PPP6R2: variants seen among roughly 807,000 people sequenced by gnomAD.
PPP6R2 encodes the protein protein phosphatase 6 regulatory subunit 2.
PPP6R2 carries 62 observed loss-of-function variants against 100.2 expected under a neutral mutation model. The observed-to-expected ratio is 0.62, with a 90% confidence interval of 0.50 to 0.76. The LOEUF is 0.76. Ranked by LOEUF, PPP6R2 falls within the 30% of genes least tolerant of loss-of-function variation. The probability of loss-of-function intolerance (pLI) is 0.00; values close to 1 mark genes in which losing one functional copy is unlikely to be tolerated. For missense variants in PPP6R2, 1,142 were observed against 1,276.3 expected, an observed-to-expected ratio of 0.89 and a Z score of 1.60; for synonymous variants, 525 against 514.7, an observed-to-expected ratio of 1.02 and a Z score of -0.27.
the PPP6R2 span, among the ~76,000 whole-genome samples, chr22:50,337,256 G>A: frequency 2.6e-4 from 39 of 147,300 alleles, no homozygotes; most frequent in Non-Finnish European, 3.7e-4. Flanking sequence ...TGTGTGGTGT[G>A]TGTGCAGTGT....
intron 1 of PPP6R2, among the ~76,000 whole-genome samples, chr22:50,353,915 A>G (rs1406417712): frequency 6.6e-6 from 1 of 152,108 alleles, no homozygotes; most frequent in Non-Finnish European, 1.5e-5. Flanking sequence ...AACAAAGAAA[A>G]TTAAAAGAAT....
chr22:50,339,611 G>A (rs2042346427), upstream of PPP6R2, among the ~76,000 whole-genome samples: 3 of 136,224 alleles, frequency 2.2e-5, no homozygotes, highest in Middle Eastern at 4.7e-3. Flanking sequence ...TGTGCGGTGT[G>A]TGTGGTATGT....
At chr22:50,374,540 G>C (rs916216121) in intron 2 of PPP6R2, among the ~76,000 whole-genome samples, 5 of 152,140 alleles carry the variant, frequency 3.3e-5, no homozygotes, top group Admixed American at 6.6e-5. Flanking sequence ...AGTATTAATA[G>C]CTTTGAACTT....
intron 1 of PPP6R2, among the ~76,000 whole-genome samples, chr22:50,362,392 G>A (rs1204995759): frequency 6.6e-6 from 1 of 152,184 alleles, no homozygotes; most frequent in Non-Finnish European, 1.5e-5. Flanking sequence ...AGACCAGCTG[G>A]GCCTCCGCTG....
At chr22:50,435,922 C>T (rs2064135832) in intron 13 of PPP6R2, among the ~76,000 whole-genome samples, 1 of 152,180 alleles carries the variant, frequency 6.6e-6, no homozygotes, top group African/African-American at 2.4e-5. Context: ...ACTCTGACCT[C>T]CCCGGAAAAA....
At position 50,360,315 on chromosome 22, in the gene PPP6R2, TG is replaced by T. The variant is rs760798886; in HGVS notation, c.-147-11704del. On this transcript the variant is annotated intron_variant, in intron 1 of 23. Transcript: ENST00000612753. ...ATCTGCCTGCCTTGGCCTCCCAAAG[TG>T]CTGGGATTATAGGCGTGAGCCACCA... Among the ~76,000 whole-genome samples, 1,123 of 151,618 alleles carry T rather than the reference TG, an allele frequency of 7.4e-3. 8 individuals carry two copies. The highest frequency in any genetic ancestry group is 9.8e-3 in the Non-Finnish European group (668 of 67,912).
chr22:50,349,212 A>AAAG (rs2044433981), intron 1 of PPP6R2, among the ~76,000 whole-genome samples: 1 of 148,786 alleles, frequency 6.7e-6, no homozygotes, highest in African/African-American at 2.4e-5. Flanking sequence ...AAAAAAAAAA[A>AAAG]AAAAAGTTGG....
Position 50,440,844 on chromosome 22 carries a change from C to A in PPP6R2, c.2397C>A (p.Ala799=). ...CAGTCAGCCCGGCTTCTCCATGTGC[C>A]TGGAACGTGTGTGTCACCAGGAAGG... ...EKAFSPASPC[A]WNVCVTRKAP... Residue 799 remains alanine, a synonymous_variant, in exon 22 of 24, where the codon GCC becomes GCA. Transcript: ENST00000612753. 6.2e-7 allele frequency: 1 copy of A among 1,613,738 alleles called. No homozygotes were observed. Among genetic ancestry groups the A allele is most frequent in the Non-Finnish European group, 8.5e-7 (1 of 1,180,010 alleles).
At chr22:50,335,388 C>T in the PPP6R2 span, among the ~76,000 whole-genome samples, 8 of 149,656 alleles carry the variant, frequency 5.3e-5, no homozygotes, top group South Asian at 2.1e-4. Flanking sequence ...TTAGTAGTGA[C>T]GGGGTTTCAC....
At chr22:50,338,303 GGT>G (rs1179723462), upstream of PPP6R2, among the ~76,000 whole-genome samples, 9 of 146,648 alleles carry the variant, frequency 6.1e-5, no homozygotes, top group South Asian at 4.4e-4. Flanking sequence ...TGTAGTGTGT[GGT>G]GTGTGTGTGG....
At chr22:50,354,317 TAATA>T (rs997880450) in intron 1 of PPP6R2, among the ~76,000 whole-genome samples, 4 of 151,796 alleles carry the variant, frequency 2.6e-5, no homozygotes, top group African/African-American at 9.7e-5. Flanking sequence ...AATAAATAAA[TAATA>T]AATAAAATAA....
upstream of PPP6R2, among the ~76,000 whole-genome samples, chr22:50,338,633 G>A (rs1178309128): frequency 2.1e-5 from 3 of 141,846 alleles, no homozygotes; most frequent in Non-Finnish European, 3.0e-5. Flanking sequence ...GGTATATGGT[G>A]TGTGGTGTCT....
chr22:50,391,622 A>G (rs1455585613), intron 2 of PPP6R2, among the ~76,000 whole-genome samples: 1 of 151,838 alleles, frequency 6.6e-6, no homozygotes, highest in African/African-American at 2.4e-5. Context: ...CCAGTCTGAC[A>G]ATGTTTGTCT....
At chr22:50,399,282 G>C (rs562077561) in intron 3 of PPP6R2, among the ~76,000 whole-genome samples, 1 of 152,252 alleles carries the variant, frequency 6.6e-6, no homozygotes, top group Non-Finnish European at 1.5e-5. Flanking sequence ...AAGTCAGAGA[G>C]TAAATACTTT....
chr22:50,401,425 T>A (rs1033793610), intron 3 of PPP6R2, among the ~76,000 whole-genome samples: 2 of 151,072 alleles, frequency 1.3e-5, no homozygotes, highest in African/African-American at 4.9e-5. Flanking sequence ...GCCAGGATGG[T>A]CTCGATCTCC....
chr22:50,427,967 ACCTT>A (rs2062486305), intron 10 of PPP6R2, among the ~76,000 whole-genome samples: 1 of 152,162 alleles, frequency 6.6e-6, no homozygotes, highest in Non-Finnish European at 1.5e-5. Flanking sequence ...TGATCCGCCC[ACCTT>A]GGCCTCCCAA....
intron 2 of PPP6R2, among the ~76,000 whole-genome samples, chr22:50,380,687 T>G (rs2052682527): frequency 6.7e-6 from 1 of 149,918 alleles, no homozygotes; most frequent in Non-Finnish European, 1.5e-5. Flanking sequence ...CCAGTTCTCT[T>G]GGGAACTAAG....
chr22:50,435,726 G>A (rs1277248423), intron 13 of PPP6R2, among the ~76,000 whole-genome samples: 7 of 152,164 alleles, frequency 4.6e-5, no homozygotes, highest in Non-Finnish European at 8.8e-5. Context: ...CAGGCCTGCC[G>A]GCTGCCATCA....
At chr22:50,374,011 A>G (rs2050890419) in intron 2 of PPP6R2, among the ~76,000 whole-genome samples, 1 of 152,072 alleles carries the variant, frequency 6.6e-6, no homozygotes. Flanking sequence ...TGGGATTATT[A>G]TAGGCGTGAG....
Sources: allele counts gnomAD v4.1 joint callset (sites outside exome capture counted in the v4.1 genomes callset), GRCh38; gene constraint gnomAD v4.1.1; transcripts MANE v1.5; gene names NCBI Gene and HGNC (gene_info 2026-07-23, HGNC 2026-07-21).